Variants in HS6ST3 observed in about 807,000 individuals in gnomAD.
HS6ST3 encodes heparan-sulfate 6-O-sulfotransferase 3.
HS6ST3 carries 12 observed loss-of-function variants against 36.7 expected under a neutral mutation model. The ratio of observed to expected loss-of-function variants is 0.33; its 90% CI spans 0.21 to 0.53. HS6ST3 has a LOEUF of 0.53. Ranked by LOEUF, HS6ST3 falls within the 20% of genes least tolerant of loss-of-function variation. HS6ST3 has a pLI of 0.95. For synonymous variants in HS6ST3, 240 were observed against 257.5 expected (o/e 0.93, Z 0.65); for missense variants, 584 against 640.9 (o/e 0.91, Z 0.96).
chr13:96,774,862 C>T (rs1000268292), intron 1 of HS6ST3, among the ~76,000 whole-genome samples: 5 of 152,052 alleles, frequency 3.3e-5, no homozygotes, highest in African/African-American at 1.2e-4. Context: ...AGAAGAGCAA[C>T]CCCAAGACAC....
chr13:96,588,261 A>G (rs749286738), intron 1 of HS6ST3, among the ~76,000 whole-genome samples: 1 of 151,592 alleles, frequency 6.6e-6, no homozygotes, highest in Non-Finnish European at 1.5e-5. Context: ...AGAATGTCCA[A>G]TACTATGTTG....
intron 1 of HS6ST3, among the ~76,000 whole-genome samples, chr13:96,356,839 A>G (rs916977576): frequency 2.6e-5 from 4 of 152,232 alleles, no homozygotes. Flanking sequence ...CTCTTTAGCT[A>G]TGAAAATCCT....
chr13:96,534,064 T>G (rs1566389200), intron 1 of HS6ST3, among the ~76,000 whole-genome samples: 1 of 152,222 alleles, frequency 6.6e-6, no homozygotes, highest in Non-Finnish European at 1.5e-5. Context: ...GCATCACACA[T>G]TATTCCTCCC....
chr13:96,519,823 C>T (rs2056086318), intron 1 of HS6ST3, among the ~76,000 whole-genome samples: 1 of 152,160 alleles, frequency 6.6e-6, no homozygotes, highest in African/African-American at 2.4e-5. Context: ...CCTGGTTCTG[C>T]TGGGGTTACC....
At chr13:96,564,424 T>C (rs552905917) in intron 1 of HS6ST3, among the ~76,000 whole-genome samples, 7 of 152,320 alleles carry the variant, frequency 4.6e-5, no homozygotes, top group African/African-American at 1.2e-4. Flanking sequence ...TCACAGATCA[T>C]TGGGTGCTTT....
At chr13:96,321,920 A>G (rs2055004811) in intron 1 of HS6ST3, among the ~76,000 whole-genome samples, 1 of 152,062 alleles carries the variant, frequency 6.6e-6, no homozygotes, top group South Asian at 2.1e-4. Context: ...CTCCTGGACT[A>G]TCTCATACAT....
Position 96,254,504 on chromosome 13 carries a change from TACATAC to T in HS6ST3, c.707+162939_707+162944del, listed in dbSNP as rs1566302760. ...ATATATATATATATATATATACACATACATACACACACACACTTTTTTCTTTTCACA... is the reference window on the plus strand; with the variant it reads ...ATATATATATATATATATATACACATACACACACACTTTTTTCTTTTCACA... On this transcript the variant is annotated intron_variant, in intron 1 of 1. Coordinates refer to ENST00000376705, the MANE Select transcript of HS6ST3 (RefSeq NM_153456.4). 1.6e-3 allele frequency among the ~76,000 whole-genome samples: 35 copies of T among 21,374 alleles called. 1 individual carries two copies. The highest frequency in any genetic ancestry group is 2.6e-3 in the Non-Finnish European group (26 of 9,882). 14.0% of individuals were successfully genotyped at this position (21,374 alleles called of 152,430 possible).
At chr13:96,570,704 G>A (rs891025194) in intron 1 of HS6ST3, among the ~76,000 whole-genome samples, 9 of 152,208 alleles carry the variant, frequency 5.9e-5, no homozygotes, top group Admixed American at 2.6e-4. Context: ...GGGGTAAAAA[G>A]TAAAGTACGG....
At chr13:96,095,865 TG>T (rs1223228591) in intron 1 of HS6ST3, among the ~76,000 whole-genome samples, 1 of 93,832 alleles carries the variant, frequency 1.1e-5, no homozygotes, top group East Asian at 4.0e-4. Context: ...ATATGACTGG[TG>T]TGTGTGTGTG....
intron 1 of HS6ST3, among the ~76,000 whole-genome samples, chr13:96,817,844 G>A (rs1039835563): frequency 6.6e-6 from 1 of 152,120 alleles, no homozygotes; most frequent in Admixed American, 6.5e-5. Flanking sequence ...TCACTAAGAA[G>A]GGAAATTACA....
chr13:96,231,973 C>T lies in HS6ST3; in HGVS notation c.707+140404C>T, dbSNP rs550585201. ...AGTGTGAAGGATTGTGTGCTTGTTTCCAGCAGCATTTGTCTGCTTGGGTAT... is the reference window on the plus strand; with the variant it reads ...AGTGTGAAGGATTGTGTGCTTGTTTTCAGCAGCATTTGTCTGCTTGGGTAT... On this transcript the variant is annotated intron_variant, in intron 1 of 1. Coordinates refer to ENST00000376705, the MANE Select transcript of HS6ST3 (RefSeq NM_153456.4). Among the ~76,000 whole-genome samples the T allele has an allele frequency of 1.1e-4, 17 of 152,214 alleles. 1 individual carries two copies. The highest frequency in any genetic ancestry group is 3.9e-4 in the African/African-American group (16 of 41,530).
chr13:96,527,057 G>A (rs1405469446), intron 1 of HS6ST3, among the ~76,000 whole-genome samples: 1 of 151,096 alleles, frequency 6.6e-6, no homozygotes, highest in Non-Finnish European at 1.5e-5. Context: ...TGTGGTTTCT[G>A]GAAAATGTAA....
chr13:96,762,213 C>T (rs1345972227), intron 1 of HS6ST3, among the ~76,000 whole-genome samples: 6 of 152,184 alleles, frequency 3.9e-5, no homozygotes, highest in Admixed American at 3.3e-4. Flanking sequence ...CATGGTGGCT[C>T]ATGCCTGTAA....
chr13:96,620,973 G>C (rs1033947502), intron 1 of HS6ST3, among the ~76,000 whole-genome samples: 2 of 152,178 alleles, frequency 1.3e-5, no homozygotes, highest in Non-Finnish European at 2.9e-5. Flanking sequence ...CAGCCAAGGA[G>C]CTCAGTCCTA....
intron 1 of HS6ST3, among the ~76,000 whole-genome samples, chr13:96,370,974 T>G (rs2055287141): frequency 6.6e-6 from 1 of 152,204 alleles, no homozygotes; most frequent in Admixed American, 6.5e-5. Context: ...CAATATATTT[T>G]TTGGTTTTGC....
intron 1 of HS6ST3, among the ~76,000 whole-genome samples, chr13:96,116,420 A>G (rs1566885859): frequency 6.6e-6 from 1 of 152,132 alleles, no homozygotes; most frequent in Non-Finnish European, 1.5e-5. Flanking sequence ...GATGATGTAC[A>G]CATGTGGTCT....
intron 1 of HS6ST3, among the ~76,000 whole-genome samples, chr13:96,556,676 T>A (rs574729671): frequency 6.6e-6 from 1 of 152,294 alleles, no homozygotes; most frequent in South Asian, 2.1e-4. Flanking sequence ...TGCATTTTAA[T>A]ACTGGTTGAT....
At chr13:96,486,649 C>T (rs1402399370) in intron 1 of HS6ST3, among the ~76,000 whole-genome samples, 1 of 152,184 alleles carries the variant, frequency 6.6e-6, no homozygotes, top group Non-Finnish European at 1.5e-5. Flanking sequence ...TGTCTTTTGG[C>T]TGCATAAATG....
chr13:96,814,469 G>T (rs1878380158), intron 1 of HS6ST3, among the ~76,000 whole-genome samples: 2 of 152,038 alleles, frequency 1.3e-5, no homozygotes, highest in Non-Finnish European at 2.9e-5. Flanking sequence ...TTTGGATCTT[G>T]TCTTTATCTT....
Sources: gnomAD v4.1 joint callset for allele counts (sites outside exome capture counted in the v4.1 genomes callset) on GRCh38, gnomAD v4.1.1 for gene constraint, MANE v1.5 for transcripts, NCBI Gene and HGNC (gene_info 2026-07-23, HGNC 2026-07-21) for gene names.